Variants in UNC93B1 observed in about 807,000 individuals in gnomAD.
UNC93B1 encodes the protein protein unc-93 homolog B1.
Under a neutral mutation model 56.8 loss-of-function variants are expected in UNC93B1, and 33 were observed. The ratio of observed to expected loss-of-function variants is 0.58; its 90% CI spans 0.44 to 0.78. The LOEUF (loss-of-function observed/expected upper bound fraction) is 0.78. Among genes scored for constraint, UNC93B1 ranks in the 30% least tolerant of loss-of-function variants. The probability of loss-of-function intolerance (pLI) is 0.00; values close to 1 mark genes in which losing one functional copy is unlikely to be tolerated. For synonymous variants in UNC93B1, 334 were observed against 358.6 expected (o/e 0.93, Z 0.77); for missense variants, 673 against 819.5 (o/e 0.82, Z 2.18).
Position 67,991,529 on chromosome 11 carries a change from G to T in UNC93B1, c.*17C>A. 2 of 1,398,712 alleles carry T rather than the reference G, an allele frequency of 1.4e-6. No individual in the cohort carries two copies. The highest frequency in any genetic ancestry group is 1.6e-5 in the South Asian group (1 of 64,386). 86.6% of individuals were successfully genotyped at this position (1,398,712 alleles called of 1,614,324 possible). ...GCCGGCGAGGAGGGAGGCTGAGTCC[G>T]GGGACCAGGCGGCCCCTCACTGCTC... On this transcript the variant is annotated 3_prime_UTR_variant, in exon 11 of 11. Coordinates refer to ENST00000227471, the MANE Select transcript of UNC93B1 (RefSeq NM_030930.4).
chr11:67,997,449 G>C, intron 7 of UNC93B1: 1 of 672,136 alleles, frequency 1.5e-6, no homozygotes, highest in Non-Finnish European at 2.4e-6. Flanking sequence ...GGATGCCCAC[G>C]CCTGCCTCGG....
chr11:67,999,675 A>G lies in UNC93B1; in HGVS notation c.398T>C (p.Phe133Ser), dbSNP rs1857013197. Reference protein sequence around the residue: ...LLYTPVLIRFFGTKWMMFLAV... With the variant: ...LLYTPVLIRFSGTKWMMFLAV... ...GAGGAACATCATCCACTTCGTTCCA[A>G]AAAACCTGCGGACAGTGGGAGAGAT... Residue 133 changes from phenylalanine (F) to serine (S), a missense_variant, in exon 4 of 11, where the codon TTT becomes TCT. Coordinates refer to ENST00000227471, the MANE Select transcript of UNC93B1 (RefSeq NM_030930.4). 6.2e-7 allele frequency: 1 copy of G among 1,610,994 alleles called. No homozygotes were observed. Among genetic ancestry groups the G allele is most frequent in the Non-Finnish European group, 8.5e-7 (1 of 1,178,886 alleles).
At position 67,991,529 on chromosome 11, in the gene UNC93B1, G is replaced by A. The variant is rs1294480364; in HGVS notation, c.*17C>T. On this transcript the variant is annotated 3_prime_UTR_variant, in exon 11 of 11. Transcript: ENST00000227471. ...GCCGGCGAGGAGGGAGGCTGAGTCC[G>A]GGGACCAGGCGGCCCCTCACTGCTC... The A allele has an allele frequency of 3.0e-5, 42 of 1,398,598 alleles. No individual in the cohort carries two copies. The highest frequency in any genetic ancestry group is 1.3e-4 in the Admixed American group (4 of 30,310). 86.6% of individuals were successfully genotyped at this position (1,398,598 alleles called of 1,614,324 possible).
At chr11:67,999,341 G>C (rs533543917) in intron 4 of UNC93B1, 36 bp from the exon 5 acceptor site, 2 of 1,586,704 alleles carry the variant, frequency 1.3e-6, no homozygotes, top group African/African-American at 2.7e-5. Flanking sequence ...TCCCCAGCCC[G>C]ACCTGTGCCA....
chr11:67,998,282 G>T (rs1275316889), intron 6 of UNC93B1, 77 bp downstream of exon 6: 7 of 1,538,270 alleles, frequency 4.6e-6, no homozygotes, highest in Non-Finnish European at 6.3e-6. Flanking sequence ...CCTGAATCCT[G>T]TGAGTGAGGG....
chr11:68,003,147 G>C lies in UNC93B1; in HGVS notation c.267C>G (p.His89Gln). ...TCACCTCGCGGTAGGTCTCGTCGTA[G>C]TGCAGGATCAGCTGCATCTGCAGGA... ...LGLLQMQLIL[H>Q]YDETYREVKY... Residue 89 changes from histidine to glutamine, a missense_variant, in exon 3 of 11, where the codon CAC becomes CAG. Physicochemically the swap from His to Gln is conservative, Grantham distance 24 (BLOSUM62 0). This residue lies in a region of UNC93B1 where 438 missense variants were observed against 465.9 expected (regional missense o/e 0.94). Coordinates refer to ENST00000227471, the MANE Select transcript of UNC93B1 (RefSeq NM_030930.4). This position sits in a 1 kb window ranked among gnomAD's most constrained non-coding sequence, Gnocchi z 4.4. 1 of 1,613,088 alleles carries C rather than the reference G, an allele frequency of 6.2e-7. No homozygotes were observed. The highest frequency in any genetic ancestry group is 1.1e-5 in the South Asian group (1 of 91,056).
chr11:67,999,765 C>G (rs1182095229), intron 3 of UNC93B1, 85 bp from the exon 4 acceptor site: 1 of 1,518,314 alleles, frequency 6.6e-7, no homozygotes, highest in African/African-American at 1.4e-5. Flanking sequence ...ACCGCAGGTC[C>G]CAGCTCACAG....
At position 67,995,738 on chromosome 11, in the gene UNC93B1, G is replaced by A. The variant is rs1186833496; in HGVS notation, c.1236C>T (p.His412=). 1.3e-6 allele frequency: 2 copies of A among 1,548,434 alleles called. No individual in the cohort carries two copies. Among genetic ancestry groups the A allele is most frequent in the African/African-American group, 1.4e-5 (1 of 72,950 alleles). ...AAAAGAGGATGAAGGTGAGCAGCAG[G>A]TGCACCCCTGCTCCGGCCACCAGGG... The part of the protein sequence containing the change: ...PVPLVAGAGV[H]LLLTFILFFW... The change falls in exon 9 of 11, where the codon CAC becomes CAT. Residue 412 remains histidine (H), a synonymous_variant. Coordinates refer to ENST00000227471, the MANE Select transcript of UNC93B1 (RefSeq NM_030930.4).
chr11:68,003,402 C>T lies in UNC93B1; in HGVS notation c.239-227G>A. The T allele has an allele frequency of 1.2e-6, 1 of 816,814 alleles. No homozygotes were observed. The highest frequency in any genetic ancestry group is 1.8e-6 in the Non-Finnish European group (1 of 551,620). The allele number at this position is 816,814 out of a possible 1,614,324, so 50.6% of individuals were successfully genotyped here. On this transcript the variant is annotated intron_variant, in intron 2 of 10. Coordinates refer to ENST00000227471, the MANE Select transcript of UNC93B1 (RefSeq NM_030930.4). The surrounding 1 kb of genome is among the most constrained non-coding windows in gnomAD (Gnocchi z 4.4). The stretch of plus-strand genomic sequence containing the variant: ...CCACCCGCCTTGCTCCGCCGGCCTC[C>T]AATTCTGACGGTGGCAGGTCTGTCC...
intron 3 of UNC93B1, among the ~76,000 whole-genome samples, chr11:68,002,194 A>ACACG (rs1348070748): frequency 2.0e-5 from 3 of 149,946 alleles, no homozygotes; most frequent in Non-Finnish European, 4.4e-5. Context: ...ATACACACAC[A>ACACG]CACACACACA....
chr11:67,997,601 C>A (rs1302092958), intron 7 of UNC93B1, 74 bp downstream of exon 7: 6 of 1,590,618 alleles, frequency 3.8e-6, no homozygotes, highest in South Asian at 1.1e-5. Flanking sequence ...CCGATCCAGA[C>A]CCTTTCTCGC....
Position 67,998,402 on chromosome 11 carries a change from G to A in UNC93B1, c.738C>T (p.Tyr246=), listed in dbSNP as rs1191802225. Reference sequence around the variant, plus strand: ...ACAGCGTGTGGTTCAGGTCATACAGGTAGTGGTTCAGGAAATAAATCATGG... The same window carrying A: ...ACAGCGTGTGGTTCAGGTCATACAGATAGTGGTTCAGGAAATAAATCATGG... ...QLPMIYFLNH[Y]LYDLNHTLYN... is the part of the protein sequence containing the mutation. The change falls in exon 6 of 11, where the codon TAC becomes TAT. Residue 246 remains tyrosine (Y), a synonymous_variant. Coordinates refer to ENST00000227471, the MANE Select transcript of UNC93B1 (RefSeq NM_030930.4). The A allele has an allele frequency of 6.2e-7, 1 of 1,613,996 alleles. No homozygotes were observed. The highest frequency in any genetic ancestry group is 1.7e-5 in the Admixed American group (1 of 60,034).
Position 68,003,048 on chromosome 11 carries a change from G to C in UNC93B1, c.366C>G (p.Ala122=). The change falls in exon 3 of 11, where the codon GCC becomes GCG. Residue 122 remains alanine (A), a synonymous_variant. Coordinates refer to ENST00000227471, the MANE Select transcript of UNC93B1 (RefSeq NM_030930.4). The surrounding 1 kb of genome is among the most constrained non-coding windows in gnomAD (Gnocchi z 4.4). ...LMGINVTPIA[A]LLYTPVLIRF... is the part of the protein sequence containing the mutation. ...TGATGAGCACAGGTGTGTAGAGCAG[G>C]GCGGCGATGGGAGTCACGTTGATGC... 1 of 1,612,836 alleles carries C rather than the reference G, an allele frequency of 6.2e-7. No individual in the cohort carries two copies.
In UNC93B1 at chr11:68,003,978, C is replaced by T; in HGVS notation, c.66G>A (p.Leu22=). 5 of 1,400,286 alleles carry T rather than the reference C, an allele frequency of 3.6e-6. No homozygotes were observed. The highest frequency in any genetic ancestry group is 4.7e-6 in the Non-Finnish European group (5 of 1,073,870). 86.7% of individuals were successfully genotyped at this position (1,400,286 alleles called of 1,614,324 possible). A position where few individuals can be genotyped will look rare whatever the true frequency, so the allele number is the denominator to read the frequency against. The change falls in exon 1 of 11, where the codon CTG becomes CTA. Residue 22 remains leucine (L), a synonymous_variant. Coordinates refer to ENST00000227471, the MANE Select transcript of UNC93B1 (RefSeq NM_030930.4). This position sits in a 1 kb window ranked among gnomAD's most constrained non-coding sequence, Gnocchi z 4.4. ...CCTCGGGCCCGTCCGGGACCCCGAG[C>T]AGGTCCTCGTCGCCCTGCGGCCCCG... The part of the protein sequence containing the change: ...GAAGPQGDED[L]LGVPDGPEAP...
rs1442663723 is a variant in UNC93B1 at position 68,003,792 on chromosome 11, C to G, written c.103G>C (p.Glu35Gln). The G allele has an allele frequency of 2.0e-6, 3 of 1,492,828 alleles. No individual in the cohort carries two copies. The highest frequency in any genetic ancestry group is 1.8e-6 in the Non-Finnish European group (2 of 1,127,256). The allele number at this position is 1,492,828 out of a possible 1,614,324, so 92.5% of individuals were successfully genotyped here. A position where few individuals can be genotyped will look rare whatever the true frequency, so the allele number is the denominator to read the frequency against. Reference protein sequence around the residue: ...VPDGPEAPLDELVGAYPNYNE... With the variant: ...VPDGPEAPLDQLVGAYPNYNE... ...TAGTTGGGGTACGCGCCCACCAGCT[C>G]GTCCAGCTGCGAGCCACGCACGCCG... The change falls in exon 2 of 11, where the codon GAG (glutamate) becomes CAG (glutamine). Residue 35 changes from glutamate (E) to glutamine (Q), a missense_variant. Glu to Gln is a conservative substitution (Grantham distance 29, BLOSUM62 2). Transcript: ENST00000227471. This position sits in a 1 kb window ranked among gnomAD's most constrained non-coding sequence, Gnocchi z 4.4.
chr11:67,998,701 C>A (rs142095004), intron 5 of UNC93B1, among the ~76,000 whole-genome samples: 1 of 152,278 alleles, frequency 6.6e-6, no homozygotes, highest in East Asian at 1.9e-4. Context: ...GGAAGATGGG[C>A]AGCCTGGGCA....
At chr11:67,997,206 C>A (rs1406768334) in intron 7 of UNC93B1, among the ~76,000 whole-genome samples, 1 of 32 alleles carries the variant, frequency 0.031, no homozygotes, top group African/African-American at 0.12. Context: ...CAGCACTAGG[C>A]CCCGCCTGAC....
In UNC93B1 at chr11:67,997,719, C is replaced by G; in HGVS notation, c.862G>C (p.Val288Leu). The G allele has an allele frequency of 6.2e-7, 1 of 1,609,068 alleles. No homozygotes were observed. Residue 288 changes from valine to leucine, a missense_variant, in exon 7 of 11, where the codon GTG becomes CTG. By Grantham distance (32) the Val-to-Leu change is conservative. Transcript: ENST00000227471. ...TLPRSGNLIV[V>L]ESVLMAVAFL... ...GCCACTGCCATGAGCACGCTCTCCA[C>G]CACAATGAGGTTTCCGCTCCGCGGG...
rs1284469815 is a variant in UNC93B1, at chr11:68,003,008, G to A, written c.392+14C>T. On this transcript the variant is annotated intron_variant, in intron 3 of 10. Transcript: ENST00000227471. This position sits in a 1 kb window ranked among gnomAD's most constrained non-coding sequence, Gnocchi z 4.4. ...GGGAGTACCGCAGCATCCCACAGGA[G>A]CAGCCGCGCCCACCTGATGAGCACA... is the stretch of plus-strand genomic sequence containing the variant. 1.2e-6 allele frequency: 2 copies of A among 1,601,336 alleles called. No homozygotes were observed. The highest frequency in any genetic ancestry group is 2.3e-5 in the East Asian group (1 of 44,034).
Sources: allele counts gnomAD v4.1 joint callset (sites outside exome capture counted in the v4.1 genomes callset), GRCh38; gene constraint gnomAD v4.1.1; regional missense constraint gnomAD v4.1.1; non-coding constraint Gnocchi (gnomAD v3.1); transcripts MANE v1.5; gene names NCBI Gene and HGNC (gene_info 2026-07-23, HGNC 2026-07-21).